Variants in EPM2A observed in about 807,000 individuals in gnomAD.
EPM2A encodes EPM2A glucan phosphatase, laforin.
Under a neutral mutation model 26.5 loss-of-function variants are expected in EPM2A, and 21 were observed. The ratio of observed to expected loss-of-function variants is 0.79; its 90% CI spans 0.56 to 1.14. The LOEUF (loss-of-function observed/expected upper bound fraction) is 1.14. Among genes scored for constraint, EPM2A ranks in the 50% most tolerant of loss-of-function variants. EPM2A has a pLI of 0.00. For synonymous variants in EPM2A, 217 were observed against 177.6 expected (o/e 1.22, Z -1.76); for missense variants, 458 against 440.8 (o/e 1.04, Z -0.35).
intron 4 of EPM2A, among the ~76,000 whole-genome samples, chr6:145,480,985 T>C (rs1285695872): frequency 6.6e-6 from 1 of 152,104 alleles, no homozygotes; most frequent in African/African-American, 2.4e-5. Context: ...CAAAGAAAAT[T>C]TGCATTTGCA....
intron 2 of EPM2A, among the ~76,000 whole-genome samples, chr6:145,507,599 T>C (rs963464258): frequency 1.3e-5 from 2 of 152,204 alleles, no homozygotes; most frequent in African/African-American, 4.8e-5. Context: ...GGATGCCATT[T>C]TCCATCCAGG....
chr6:145,619,975 T>A (rs950596615), intron 2 of EPM2A, among the ~76,000 whole-genome samples: 3 of 152,192 alleles, frequency 2.0e-5, no homozygotes, highest in African/African-American at 7.2e-5. Flanking sequence ...AATCCTAACA[T>A]ATAAACATGG....
At chr6:145,598,054 T>C (rs1781371718) in intron 2 of EPM2A, among the ~76,000 whole-genome samples, 1 of 152,212 alleles carries the variant, frequency 6.6e-6, no homozygotes, top group Admixed American at 6.5e-5. Flanking sequence ...TGTGTCTTTA[T>C]GGTAGAATGA....
At chr6:145,563,143 G>T (rs1780831749) in intron 2 of EPM2A, among the ~76,000 whole-genome samples, 1 of 151,712 alleles carries the variant, frequency 6.6e-6, no homozygotes, top group Admixed American at 6.6e-5. Flanking sequence ...TGGGGCCCAG[G>T]CAAGGGTCCC....
downstream of EPM2A, among the ~76,000 whole-genome samples, chr6:145,497,047 T>G (rs1032610663): frequency 1.3e-5 from 2 of 152,220 alleles, no homozygotes; most frequent in African/African-American, 2.4e-5. Flanking sequence ...ATATCCTGAT[T>G]TCTCCTCCTG....
At chr6:145,493,597 C>T (rs541117811) in intron 4 of EPM2A, among the ~76,000 whole-genome samples, 36 of 152,240 alleles carry the variant, frequency 2.4e-4, no homozygotes, top group Admixed American at 4.6e-4. Context: ...TAGCTTTTGC[C>T]CATTCAGTGT....
At chr6:145,477,652 T>C (rs572393731) in intron 4 of EPM2A, among the ~76,000 whole-genome samples, 1 of 152,022 alleles carries the variant, frequency 6.6e-6, no homozygotes, top group South Asian at 2.1e-4. Flanking sequence ...ATGTGATATA[T>C]AATATTAATC....
chr6:145,603,578 T>G (rs1309339843), intron 2 of EPM2A, among the ~76,000 whole-genome samples: 1 of 152,232 alleles, frequency 6.6e-6, no homozygotes, highest in Non-Finnish European at 1.5e-5. Context: ...AAATGTTAAC[T>G]GAAAGAAAAT....
intron 4 of EPM2A, among the ~76,000 whole-genome samples, chr6:145,485,144 A>T (rs1779656907): frequency 1.3e-5 from 2 of 151,864 alleles, no homozygotes; most frequent in African/African-American, 4.8e-5. Flanking sequence ...GAGAATGGAA[A>T]GTTGCCTGAG....
chr6:145,646,780 C>G (rs537162190), intron 2 of EPM2A, among the ~76,000 whole-genome samples: 5 of 152,282 alleles, frequency 3.3e-5, no homozygotes, highest in African/African-American at 1.2e-4. Context: ...GGAATTCTCT[C>G]CTGCCTATCC....
intron 4 of EPM2A, among the ~76,000 whole-genome samples, chr6:145,414,655 C>T (rs1247683354): frequency 4.6e-5 from 7 of 152,204 alleles, no homozygotes; most frequent in African/African-American, 1.7e-4. Flanking sequence ...TGTTAACATC[C>T]TATTACTCTA....
intron 1 of EPM2A, among the ~76,000 whole-genome samples, chr6:145,695,689 A>G (rs1040176107): frequency 2.6e-5 from 4 of 152,082 alleles, no homozygotes; most frequent in East Asian, 1.9e-4. Context: ...AACATCAGTA[A>G]AGAAAGACAA....
At chr6:145,527,104 T>C (rs758377125) in intron 2 of EPM2A, among the ~76,000 whole-genome samples, 1 of 152,094 alleles carries the variant, frequency 6.6e-6, no homozygotes, top group Non-Finnish European at 1.5e-5. Flanking sequence ...TTGAGAGATC[T>C]TCCGAATATT....
intron 2 of EPM2A, among the ~76,000 whole-genome samples, chr6:145,597,186 G>T (rs1027052290): frequency 6.6e-5 from 10 of 151,706 alleles, no homozygotes; most frequent in Non-Finnish European, 7.4e-5. Context: ...GAGCCACCGC[G>T]CCCGGCCTCT....
rs1225430108 is a variant in EPM2A at position 145,673,112 on chromosome 6, G to T, written c.476+13010C>A. ...ACACACAAAAACAATGTCAGGGAAA[G>T]AAATTTGTTTTTAAAATTAAAAAAA... On this transcript the variant is annotated intron_variant, in intron 2 of 3. Coordinates refer to ENST00000367519, the MANE Select transcript of EPM2A (RefSeq NM_005670.4). Among the ~76,000 whole-genome samples, 4 of 151,218 alleles carry T rather than the reference G, an allele frequency of 2.6e-5. No homozygotes were observed. The East Asian group carries it at 7.8e-4, about 29-fold the overall frequency.
chr6:145,418,032 C>A (rs1222147672), intron 4 of EPM2A, among the ~76,000 whole-genome samples: 1 of 152,132 alleles, frequency 6.6e-6, no homozygotes, highest in African/African-American at 2.4e-5. Flanking sequence ...CCTTCACCAC[C>A]AATTCCAGTC....
At chr6:145,496,728 A>ATGTTTTTTT (rs779194973), downstream of EPM2A, among the ~76,000 whole-genome samples, 72 of 106,900 alleles carry the variant, frequency 6.7e-4, 12 homozygotes, top group Non-Finnish European at 1.1e-3. Context: ...AGTTCCTGCA[A>ATGTTTTTTT]TTTTTTTTTT....
At chr6:145,498,107 C>A (rs2114748151), downstream of EPM2A, among the ~76,000 whole-genome samples, 1 of 152,278 alleles carries the variant, frequency 6.6e-6, no homozygotes, top group Admixed American at 6.5e-5. Context: ...GCTGGGGGAT[C>A]CCTTCTCTCC....
At chr6:145,669,576 C>T (rs1779496081) in intron 2 of EPM2A, among the ~76,000 whole-genome samples, 1 of 152,154 alleles carries the variant, frequency 6.6e-6, no homozygotes, top group African/African-American at 2.4e-5. Flanking sequence ...CATAATGGTT[C>T]ACATAATAGA....
Sources: allele counts gnomAD v4.1 joint callset (sites outside exome capture counted in the v4.1 genomes callset), GRCh38; gene constraint gnomAD v4.1.1; transcripts MANE v1.5; gene names NCBI Gene and HGNC (gene_info 2026-07-23, HGNC 2026-07-21).